The following SLC25A13 variants were observed in gnomAD, a reference collection of about 807,000 sequenced individuals.
SLC25A13 encodes electrogenic aspartate/glutamate antiporter SLC25A13, mitochondrial.
SLC25A13 carries 70 observed loss-of-function variants against 85.5 expected under a neutral mutation model. That is an observed-to-expected ratio of 0.82 (90% CI 0.68 to 1.00). The LOEUF (loss-of-function observed/expected upper bound fraction) is 1.00, where lower values mean the gene tolerates loss of function less well. Ranked by LOEUF, SLC25A13 falls within the 50% of genes least tolerant of loss-of-function variation. The pLI is 0.00. For missense variants in SLC25A13, 765 were observed against 819.8 expected (o/e 0.93, Z 0.82); for synonymous variants, 259 against 288.7 (o/e 0.90, Z 1.04).
intron 11 of SLC25A13, among the ~76,000 whole-genome samples, chr7:96,173,496 C>T (rs1051246143): frequency 6.6e-6 from 1 of 152,242 alleles, no homozygotes; most frequent in Non-Finnish European, 1.5e-5. Flanking sequence ...GCATCTCACA[C>T]ACCCAGCTGC....
intron 14 of SLC25A13, among the ~76,000 whole-genome samples, chr7:96,138,483 C>G (rs561069240): frequency 6.6e-6 from 1 of 151,108 alleles, no homozygotes; most frequent in East Asian, 2.0e-4. Context: ...GCAGCCTTGA[C>G]CCCCTGGGCT....
chr7:96,125,388 G>T (rs1309054015), intron 15 of SLC25A13, among the ~76,000 whole-genome samples: 1 of 152,114 alleles, frequency 6.6e-6, no homozygotes, highest in African/African-American at 2.4e-5. Context: ...TACTGTGCTG[G>T]GCCCTTAAAT....
intron 4 of SLC25A13, among the ~76,000 whole-genome samples, chr7:96,226,520 T>C (rs1450373913): frequency 6.6e-6 from 1 of 152,066 alleles, no homozygotes; most frequent in African/African-American, 2.4e-5. Flanking sequence ...GTGAGATTGG[T>C]GGATCATATG....
chr7:96,129,253 G>A (rs1370814570), intron 15 of SLC25A13, among the ~76,000 whole-genome samples: 1 of 152,136 alleles, frequency 6.6e-6, no homozygotes, highest in African/African-American at 2.4e-5. Flanking sequence ...TATTAGTTGT[G>A]TTAAGCTGAT....
intron 1 of SLC25A13, among the ~76,000 whole-genome samples, chr7:96,313,417 G>T (rs1178832556): frequency 6.6e-6 from 1 of 152,196 alleles, no homozygotes; most frequent in African/African-American, 2.4e-5. Flanking sequence ...ATCCACCGTG[G>T]AATACCTTGC....
chr7:96,137,247 G>T (rs963506562), intron 14 of SLC25A13, among the ~76,000 whole-genome samples: 6 of 152,204 alleles, frequency 3.9e-5, no homozygotes, highest in African/African-American at 1.4e-4. Flanking sequence ...TGTCACTTGT[G>T]TTAAAACCAA....
chr7:96,138,361 A>ATCCT (rs1792374598), intron 14 of SLC25A13, among the ~76,000 whole-genome samples: 1 of 147,770 alleles, frequency 6.8e-6, no homozygotes, highest in Non-Finnish European at 1.5e-5. Context: ...ATTTTCAATT[A>ATCCT]TCCTACACCT....
chr7:96,195,415 C>T (rs1306765523), intron 5 of SLC25A13, among the ~76,000 whole-genome samples: 1 of 152,178 alleles, frequency 6.6e-6, no homozygotes, highest in African/African-American at 2.4e-5. Flanking sequence ...CCTGATGCTA[C>T]TGGTTCAGAC....
intron 5 of SLC25A13, among the ~76,000 whole-genome samples, chr7:96,205,241 G>A (rs1795415759): frequency 6.6e-6 from 1 of 152,112 alleles, no homozygotes; most frequent in Non-Finnish European, 1.5e-5. Context: ...AGTTCCATCA[G>A]ATTAGAATAG....
chr7:96,238,432 C>T (rs1348412231), intron 3 of SLC25A13, among the ~76,000 whole-genome samples: 1 of 151,580 alleles, frequency 6.6e-6, no homozygotes, highest in Non-Finnish European at 1.5e-5. Flanking sequence ...CGGTAGAGTA[C>T]TTTGTTACAG....
intron 2 of SLC25A13, among the ~76,000 whole-genome samples, chr7:96,288,776 C>G (rs547903737): frequency 2.0e-5 from 3 of 152,266 alleles, no homozygotes; most frequent in Non-Finnish European, 4.4e-5. Flanking sequence ...CCTGGAAGCT[C>G]GAACTGGGTG....
intron 14 of SLC25A13, among the ~76,000 whole-genome samples, chr7:96,139,223 G>A (rs1375483955): frequency 1.3e-5 from 2 of 152,054 alleles, no homozygotes; most frequent in Non-Finnish European, 2.9e-5. Context: ...GGGAAGTTTC[G>A]TAAAAAGAAA....
At chr7:96,210,036 A>G (rs1795629559) in intron 4 of SLC25A13, among the ~76,000 whole-genome samples, 1 of 152,142 alleles carries the variant, frequency 6.6e-6, no homozygotes, top group Non-Finnish European at 1.5e-5. Flanking sequence ...TAATGTGTCT[A>G]TGGTTTCCCC....
At chr7:96,305,283 G>A (rs1799703653) in intron 1 of SLC25A13, among the ~76,000 whole-genome samples, 2 of 152,126 alleles carry the variant, frequency 1.3e-5, no homozygotes, top group Middle Eastern at 6.8e-3. Flanking sequence ...GCAAAAAGGG[G>A]GACTTTAAAG....
At chr7:96,185,795 G>A (rs1794618475) in intron 9 of SLC25A13, among the ~76,000 whole-genome samples, 1 of 151,334 alleles carries the variant, frequency 6.6e-6, no homozygotes, top group African/African-American at 2.4e-5. Context: ...AGCTACTTGG[G>A]AAGCTGAGGC....
At chr7:96,307,245 A>G (rs995799317) in intron 1 of SLC25A13, among the ~76,000 whole-genome samples, 4 of 152,232 alleles carry the variant, frequency 2.6e-5, no homozygotes, top group Non-Finnish European at 5.9e-5. Flanking sequence ...AATACGGGAA[A>G]TGTGTACAAT....
At chr7:96,200,403 T>G (rs140006849) in intron 5 of SLC25A13, among the ~76,000 whole-genome samples, 3 of 152,336 alleles carry the variant, frequency 2.0e-5, no homozygotes, top group African/African-American at 7.2e-5. Context: ...ATTTTCATAA[T>G]CTATGCTAAT....
intron 4 of SLC25A13, among the ~76,000 whole-genome samples, chr7:96,218,531 A>G (rs1276317333): frequency 6.6e-6 from 1 of 152,172 alleles, no homozygotes; most frequent in Non-Finnish European, 1.5e-5. Flanking sequence ...ACTTATGCAA[A>G]TTTTAACTTT....
intron 13 of SLC25A13, among the ~76,000 whole-genome samples, chr7:96,154,210 A>G (rs1562799376): frequency 6.6e-6 from 1 of 152,184 alleles, no homozygotes. Flanking sequence ...ACATTTTATA[A>G]AGTGTCAGAA....
Sources: allele counts gnomAD v4.1 joint callset (sites outside exome capture counted in the v4.1 genomes callset), GRCh38; gene constraint gnomAD v4.1.1; transcripts MANE v1.5; gene names NCBI Gene and HGNC (gene_info 2026-07-23, HGNC 2026-07-21).